The following GALNT13 variants were observed in gnomAD, a reference collection of about 807,000 sequenced individuals.
The protein encoded by GALNT13 is polypeptide N-acetylgalactosaminyltransferase 13.
In GALNT13, 28 loss-of-function variants were observed where a neutral mutation model predicts 64.2. The ratio of observed to expected loss-of-function variants is 0.44; its 90% CI spans 0.32 to 0.60. The LOEUF is 0.60. Ranked by LOEUF, GALNT13 falls within the 20% of genes least tolerant of loss-of-function variation. The pLI is 0.05. For missense variants in GALNT13, 577 were observed against 669.8 expected (o/e 0.86, Z 1.53); for synonymous variants, 214 against 224.6 (o/e 0.95, Z 0.42).
At chr2:153,318,122 G>GTTTTTT in the GALNT13 span, among the ~76,000 whole-genome samples, 4 of 144,864 alleles carry the variant, frequency 2.8e-5, no homozygotes, top group East Asian at 2.0e-4. Context: ...TATTAGGAGA[G>GTTTTTT]TTTTTTTTTT....
chr2:153,278,346 G>A, the GALNT13 span, among the ~76,000 whole-genome samples: 2 of 152,068 alleles, frequency 1.3e-5, no homozygotes, highest in African/African-American at 4.8e-5. Context: ...CTATCCACAA[G>A]CTGTTTAATT....
At chr2:154,241,880 A>T (rs1689506176) in intron 4 of GALNT13, 150 bp from the exon 5 acceptor site, 1 of 473,080 alleles carries the variant, frequency 2.1e-6, no homozygotes, top group Non-Finnish European at 3.7e-6. Flanking sequence ...CACAGCAGTT[A>T]TAAAAGGGAA....
chr2:154,047,444 G>C (rs1176284393), intron 3 of GALNT13, among the ~76,000 whole-genome samples: 1 of 152,142 alleles, frequency 6.6e-6, no homozygotes, highest in Non-Finnish European at 1.5e-5. Context: ...TATATGGTCT[G>C]GAGTTAATGT....
At chr2:153,671,892 G>C in the GALNT13 span, among the ~76,000 whole-genome samples, 2 of 151,896 alleles carry the variant, frequency 1.3e-5, 1 homozygote, top group South Asian at 4.2e-4. Context: ...AAAAAGCAGG[G>C]GTTGCAATCC....
At chr2:154,117,178 T>C (rs1681627248) in intron 3 of GALNT13, among the ~76,000 whole-genome samples, 1 of 152,016 alleles carries the variant, frequency 6.6e-6, no homozygotes, top group Non-Finnish European at 1.5e-5. Context: ...TTGGTTCACC[T>C]TTCCCAGCCC....
chr2:153,904,169 G>A (rs1421179199), intron 2 of GALNT13, among the ~76,000 whole-genome samples: 1 of 151,632 alleles, frequency 6.6e-6, no homozygotes, highest in African/African-American at 2.4e-5. Flanking sequence ...AATTTTCATT[G>A]CTATATAGTA....
the GALNT13 span, among the ~76,000 whole-genome samples, chr2:153,300,864 T>C: frequency 6.6e-6 from 1 of 152,196 alleles, no homozygotes; most frequent in Non-Finnish European, 1.5e-5. Flanking sequence ...CACACTGATA[T>C]TAATTATAAA....
chr2:153,137,776 G>A, the GALNT13 span, among the ~76,000 whole-genome samples: 2 of 151,560 alleles, frequency 1.3e-5, no homozygotes, highest in Non-Finnish European at 2.9e-5. Flanking sequence ...CTTTTTCTAG[G>A]GTAACCAACC....
intron 8 of GALNT13, among the ~76,000 whole-genome samples, chr2:154,289,816 T>C (rs573798993): frequency 1.3e-5 from 2 of 152,350 alleles, no homozygotes; most frequent in East Asian, 3.9e-4. Context: ...TTTCTTATTT[T>C]CTTGCAGAGA....
intron 4 of GALNT13, among the ~76,000 whole-genome samples, chr2:154,234,107 C>A (rs185637335): frequency 7.1e-4 from 108 of 152,092 alleles, no homozygotes; most frequent in Non-Finnish European, 1.3e-3. Flanking sequence ...GGTCTAGTCA[C>A]CAGATCTATT....
chr2:153,695,956 C>T, the GALNT13 span, among the ~76,000 whole-genome samples: 6 of 152,034 alleles, frequency 3.9e-5, no homozygotes, highest in Non-Finnish European at 7.4e-5. Context: ...GTATTGAATC[C>T]TCTACCTACT....
At chr2:153,819,340 A>G in the GALNT13 span, among the ~76,000 whole-genome samples, 2 of 152,284 alleles carry the variant, frequency 1.3e-5, no homozygotes, top group African/African-American at 2.4e-5. Context: ...GAGATATGCT[A>G]CAATGTGCAT....
chr2:153,186,697 A>T, the GALNT13 span, among the ~76,000 whole-genome samples: 1 of 151,698 alleles, frequency 6.6e-6, no homozygotes, highest in African/African-American at 2.4e-5. Flanking sequence ...CTCCGGAGTG[A>T]CTGGGAGTAC....
At chr2:153,630,742 T>TA in the GALNT13 span, among the ~76,000 whole-genome samples, 13 of 111,166 alleles carry the variant, frequency 1.2e-4, no homozygotes, top group African/African-American at 3.0e-4. Flanking sequence ...CCTGAAACCA[T>TA]AAAAAAAAAT....
the GALNT13 span, among the ~76,000 whole-genome samples, chr2:153,828,468 C>T: frequency 1.7e-3 from 257 of 152,312 alleles, 1 homozygote; most frequent in Non-Finnish European, 1.8e-3. Flanking sequence ...CGGCTTGGGG[C>T]TTGCAACCTC....
the GALNT13 span, among the ~76,000 whole-genome samples, chr2:153,436,353 A>G: frequency 6.6e-6 from 1 of 152,212 alleles, no homozygotes; most frequent in Non-Finnish European, 1.5e-5. Flanking sequence ...AAAATGAGTT[A>G]GGGAGGATTC....
the GALNT13 span, among the ~76,000 whole-genome samples, chr2:153,409,445 C>T: frequency 6.7e-6 from 1 of 150,164 alleles, no homozygotes; most frequent in African/African-American, 2.4e-5. Context: ...ATTTTGGTAG[C>T]CTGTATCGTA....
the GALNT13 span, among the ~76,000 whole-genome samples, chr2:153,458,774 C>A: frequency 6.6e-6 from 1 of 151,974 alleles, no homozygotes; most frequent in Non-Finnish European, 1.5e-5. Context: ...TGTTATTCCC[C>A]CTGTACAAAT....
intron 3 of GALNT13, among the ~76,000 whole-genome samples, chr2:154,046,179 G>T (rs13432116): frequency 0.017 from 2,598 of 152,204 alleles, 48 homozygotes; most frequent in Middle Eastern, 0.041. Context: ...AAAAGAAGAA[G>T]ATGGGCATGG....
Sources: allele counts gnomAD v4.1 joint callset (sites outside exome capture counted in the v4.1 genomes callset), GRCh38; gene constraint gnomAD v4.1.1; transcripts MANE v1.5; gene names NCBI Gene and HGNC (gene_info 2026-07-23, HGNC 2026-07-21).